The following PCSK2 variants were observed in gnomAD, a reference collection of about 807,000 sequenced individuals.
The protein encoded by PCSK2 is proprotein convertase subtilisin/kexin type 2.
Under a neutral mutation model 69.7 loss-of-function variants are expected in PCSK2, and 14 were observed. That is an observed-to-expected ratio of 0.20 (90% CI 0.13 to 0.31). The LOEUF is 0.31. Ranked by LOEUF, PCSK2 falls within the 10% of genes least tolerant of loss-of-function variation. The pLI, the probability that PCSK2 is intolerant of heterozygous loss-of-function variation, is 1.00. For synonymous variants in PCSK2, 307 were observed against 320.7 expected, an observed-to-expected ratio of 0.96 and a Z score of 0.46; for missense variants, 544 against 842.5, an observed-to-expected ratio of 0.65 and a Z score of 4.39.
At chr20:17,241,164 G>A (rs913330274) in intron 1 of PCSK2, among the ~76,000 whole-genome samples, 8 of 152,154 alleles carry the variant, frequency 5.3e-5, no homozygotes, top group Admixed American at 1.3e-4. Context: ...CACAAAGCAG[G>A]CAATAATACA....
chr20:17,427,632 A>G (rs1329154945), intron 6 of PCSK2, among the ~76,000 whole-genome samples: 1 of 152,170 alleles, frequency 6.6e-6, no homozygotes, highest in African/African-American at 2.4e-5. Context: ...ATAAGCATTG[A>G]TTATTGCTCC....
At chr20:17,330,074 C>T (rs891708247) in intron 2 of PCSK2, among the ~76,000 whole-genome samples, 1 of 152,100 alleles carries the variant, frequency 6.6e-6, no homozygotes, top group Non-Finnish European at 1.5e-5. Flanking sequence ...AAAATATTAT[C>T]ATTTCAACAT....
At chr20:17,480,335 GC>G (rs1415870598) in intron 11 of PCSK2, among the ~76,000 whole-genome samples, 3 of 151,644 alleles carry the variant, frequency 2.0e-5, no homozygotes, top group Non-Finnish European at 4.4e-5. Flanking sequence ...GACTACAGGC[GC>G]CCACCACCAA....
In PCSK2 at chr20:17,355,214, G is replaced by A. The variant is rs145143229; in HGVS notation, c.283-3113G>A. On this transcript the variant is annotated intron_variant, in intron 2 of 11. Coordinates refer to ENST00000262545, the MANE Select transcript of PCSK2 (RefSeq NM_002594.5). Reference sequence around the variant, plus strand: ...AAATGAGTTTGGAGTGGTTGTAATAGCCATTCCTGCACTGTTATTTATAAA... The same window carrying A: ...AAATGAGTTTGGAGTGGTTGTAATAACCATTCCTGCACTGTTATTTATAAA... Among the ~76,000 whole-genome samples, 1,460 of 152,282 alleles carry A rather than the reference G, an allele frequency of 9.6e-3. 15 individuals carry two copies. Among genetic ancestry groups the A allele is most frequent in the Middle Eastern group, 0.037 (11 of 294 alleles).
At chr20:17,441,684 T>C (rs370105616) in intron 8 of PCSK2, among the ~76,000 whole-genome samples, 46 of 152,022 alleles carry the variant, frequency 3.0e-4, no homozygotes, top group African/African-American at 9.9e-4. Flanking sequence ...TGAGATCTCA[T>C]GAGATCTCAT....
chr20:17,347,410 A>G (rs1050275107), intron 2 of PCSK2, among the ~76,000 whole-genome samples: 1 of 152,016 alleles, frequency 6.6e-6, no homozygotes, highest in Non-Finnish European at 1.5e-5. Flanking sequence ...GATGAACTAG[A>G]ATATCTGAGC....
intron 1 of PCSK2, among the ~76,000 whole-genome samples, chr20:17,245,406 T>A (rs1335387964): frequency 6.6e-6 from 1 of 152,232 alleles, no homozygotes; most frequent in Non-Finnish European, 1.5e-5. Context: ...TTATTCTAGC[T>A]TTTTAAAGGG....
chr20:17,466,503 T>C (rs2123402991), intron 11 of PCSK2, among the ~76,000 whole-genome samples: 1 of 152,150 alleles, frequency 6.6e-6, no homozygotes, highest in South Asian at 2.1e-4. Flanking sequence ...GATTTGTGTA[T>C]GGGGTTCCCT....
At position 17,318,930 on chromosome 20, in the gene PCSK2, A is replaced by G. The variant is rs565000095; in HGVS notation, c.283-39397A>G. 8.1e-4 allele frequency among the ~76,000 whole-genome samples: 123 copies of G among 152,328 alleles called. 1 individual carries two copies. Among genetic ancestry groups the G allele is most frequent in the African/African-American group, 2.8e-3 (116 of 41,576 alleles). The stretch of plus-strand genomic sequence containing the variant: ...ATTCAGCTGCAATCAGAAATGGGGG[A>G]ATAAGACAGAGAAGAAAAGCCCCAT... On this transcript the variant is annotated intron_variant, in intron 2 of 11. Coordinates refer to ENST00000262545, the MANE Select transcript of PCSK2 (RefSeq NM_002594.5).
intron 10 of PCSK2, chr20:17,464,998 A>G: frequency 2.9e-6 from 1 of 348,586 alleles, no homozygotes; most frequent in Non-Finnish European, 5.4e-6. Context: ...GCTCATCCAC[A>G]AAGTACATGT....
At chr20:17,364,869 T>C (rs1458683848) in intron 4 of PCSK2, among the ~76,000 whole-genome samples, 1 of 152,186 alleles carries the variant, frequency 6.6e-6, no homozygotes, top group Admixed American at 6.5e-5. Context: ...GATGGTGCAC[T>C]CCTATCGCTG....
chr20:17,274,594 G>C (rs912272251), intron 2 of PCSK2, among the ~76,000 whole-genome samples: 8 of 152,066 alleles, frequency 5.3e-5, no homozygotes, highest in African/African-American at 1.9e-4. Flanking sequence ...CGTGGGGAGA[G>C]AGAGAGGCCA....
chr20:17,347,890 A>AGAG lies in PCSK2; in HGVS notation c.283-10437_283-10436insGAG, dbSNP rs1568612292. 2.2e-3 allele frequency among the ~76,000 whole-genome samples: 47 copies of AGAG among 21,496 alleles called. 6 individuals are homozygous for AGAG. Among genetic ancestry groups the AGAG allele is most frequent in the East Asian group, 7.4e-3 (12 of 1,622 alleles). 14.1% of individuals were successfully genotyped at this position (21,496 alleles called of 152,430 possible). ...GAGAGAAAAAAGAAAGAAAGAAAGA[A>AGAG]AGAAAGAAAGAAAGAAAGAAAGAAA... is the stretch of plus-strand genomic sequence containing the variant. On this transcript the variant is annotated intron_variant, in intron 2 of 11. Transcript: ENST00000262545.
chr20:17,322,150 C>A (rs1368273747), intron 2 of PCSK2, among the ~76,000 whole-genome samples: 1 of 152,166 alleles, frequency 6.6e-6, no homozygotes, highest in African/African-American at 2.4e-5. Flanking sequence ...GCTTATCACA[C>A]TTCCTGCAAT....
chr20:17,292,035 A>G (rs1988714529), intron 2 of PCSK2, among the ~76,000 whole-genome samples: 1 of 152,176 alleles, frequency 6.6e-6, no homozygotes, highest in Non-Finnish European at 1.5e-5. Flanking sequence ...TGGGAAGTAT[A>G]ATTTTGTGAC....
At chr20:17,359,759 T>C (rs2030327139) in intron 3 of PCSK2, among the ~76,000 whole-genome samples, 1 of 152,212 alleles carries the variant, frequency 6.6e-6, no homozygotes, top group African/African-American at 2.4e-5. Flanking sequence ...CAGCCACTGA[T>C]CACTGTGGGC....
chr20:17,303,102 G>A (rs1989140064), intron 2 of PCSK2, among the ~76,000 whole-genome samples: 1 of 149,514 alleles, frequency 6.7e-6, no homozygotes, highest in Non-Finnish European at 1.5e-5. Context: ...CTAATGTCAA[G>A]TTGCTTTTTC....
At chr20:17,275,799 G>T (rs193294132) in intron 2 of PCSK2, among the ~76,000 whole-genome samples, 1 of 152,128 alleles carries the variant, frequency 6.6e-6, no homozygotes, top group Non-Finnish European at 1.5e-5. Flanking sequence ...CTAAATTCTT[G>T]TAACCTTCTA....
intron 8 of PCSK2, among the ~76,000 whole-genome samples, chr20:17,445,955 T>G (rs1445970095): frequency 6.6e-6 from 1 of 152,168 alleles, no homozygotes; most frequent in Non-Finnish European, 1.5e-5. Context: ...GCCAGGGACT[T>G]TCCTGTTTTT....
Sources: gnomAD v4.1 joint callset for allele counts (sites outside exome capture counted in the v4.1 genomes callset) on GRCh38, gnomAD v4.1.1 for gene constraint, MANE v1.5 for transcripts, NCBI Gene and HGNC (gene_info 2026-07-23, HGNC 2026-07-21) for gene names.